The following AVL9 variants were observed in gnomAD, a reference collection of about 807,000 sequenced individuals.
AVL9 encodes late secretory pathway protein AVL9 homolog.
A neutral mutation model predicts 79.2 loss-of-function variants in AVL9; 49 were observed. The ratio of observed to expected loss-of-function variants is 0.62; its 90% CI spans 0.49 to 0.79. The LOEUF is 0.79. Ranked by LOEUF, AVL9 falls within the 30% of genes least tolerant of loss-of-function variation. The pLI, the probability that AVL9 is intolerant of heterozygous loss-of-function variation, is 0.00. For synonymous variants in AVL9, 299 were observed against 280.6 expected (o/e 1.07, Z -0.65); for missense variants, 682 against 776.8 (o/e 0.88, Z 1.45).
chr7:32,581,401 G>A (rs1372301083), intron 15 of AVL9: 1 of 152,362 alleles, frequency 6.6e-6, no homozygotes, highest in Non-Finnish European at 1.5e-5. Context: ...GAAATTAAAA[G>A]AACAGAAAAT....
In AVL9 at chr7:32,579,519, ATATAT is replaced by A. The variant is rs1193524962; in HGVS notation, c.1689-694_1689-690del. ...CATATTATATATTATATATTATATT[ATATAT>A]TATATATTATATTATATATTATATA... On this transcript the variant is annotated intron_variant, in intron 13 of 15. Transcript: ENST00000318709. 5.9e-3 allele frequency among the ~76,000 whole-genome samples: 21 copies of A among 3,588 alleles called. 3 individuals carry two copies. Among genetic ancestry groups the A allele is most frequent in the East Asian group, 0.028 (2 of 72 alleles). 2.4% of individuals were successfully genotyped at this position (3,588 alleles called of 152,430 possible).
chr7:32,528,873 G>A lies in AVL9; in HGVS notation c.94-14268G>A, dbSNP rs182889220. ...AAAATACAAAAAATTAGCCGGGCAT[G>A]GTGGCGGGCGCCTGTAGTCCCAGCT... is the stretch of plus-strand genomic sequence containing the variant. On this transcript the variant is annotated intron_variant, in intron 1 of 15. Coordinates refer to ENST00000318709, the MANE Select transcript of AVL9 (RefSeq NM_015060.3). Among the ~76,000 whole-genome samples the A allele has an allele frequency of 6.7e-3, 1,023 of 152,050 alleles. 12 individuals are homozygous for A. The highest frequency in any genetic ancestry group is 0.023 in the African/African-American group (962 of 41,454).
At chr7:32,523,150 CAAAAAAAAAA>C (rs59565422) in intron 1 of AVL9, among the ~76,000 whole-genome samples, 23 of 81,252 alleles carry the variant, frequency 2.8e-4, no homozygotes, top group African/African-American at 9.0e-4. Flanking sequence ...GGTAATTAAC[CAAAAAAAAAA>C]AAAAAAAAAA....
intron 5 of AVL9, among the ~76,000 whole-genome samples, 158 bp from the exon 6 acceptor site, chr7:32,552,071 A>T (rs909452402): frequency 6.6e-6 from 1 of 152,228 alleles, no homozygotes; most frequent in African/African-American, 2.4e-5. Flanking sequence ...AAGAAATGAG[A>T]ACTGGCAAGG....
intron 10 of AVL9, among the ~76,000 whole-genome samples, chr7:32,564,498 C>T (rs1007108744): frequency 3.9e-5 from 6 of 152,042 alleles, no homozygotes; most frequent in Non-Finnish European, 8.8e-5. Flanking sequence ...AGCCTGGGTG[C>T]CTGGGGAATA....
chr7:32,574,155 A>C (rs1790981427), intron 12 of AVL9, among the ~76,000 whole-genome samples: 1 of 152,158 alleles, frequency 6.6e-6, no homozygotes, highest in African/African-American at 2.4e-5. Context: ...ACATAGCATA[A>C]AATTTACCAT....
intron 1 of AVL9, among the ~76,000 whole-genome samples, chr7:32,499,055 T>C (rs10239363): frequency 1 from 78,764 of 78,772 alleles, 39,379 homozygotes; most frequent in Middle Eastern, 1. Context: ...CCCAGCTACT[T>C]GGGAGGCTGA....
chr7:32,584,016 G>A lies in AVL9; in HGVS notation c.*109G>A, dbSNP rs1026412070. On this transcript the variant is annotated 3_prime_UTR_variant, in exon 16 of 16. Transcript: ENST00000318709. ...GATCCACAGCAGGGGACCATATGTC[G>A]AACTGTTTACATGGATGTTGCTCTA... 11 of 785,768 alleles carry A rather than the reference G, an allele frequency of 1.4e-5. No homozygotes were observed. The highest frequency in any genetic ancestry group is 2.6e-5 in the East Asian group (1 of 38,094). The allele number at this position is 785,768 out of a possible 1,614,324, so 48.7% of individuals were successfully genotyped here. A position where few individuals can be genotyped will look rare whatever the true frequency, so the allele number is the denominator to read the frequency against.
At chr7:32,563,604 T>C (rs1790422265) in intron 10 of AVL9, among the ~76,000 whole-genome samples, 1 of 151,204 alleles carries the variant, frequency 6.6e-6, no homozygotes. Flanking sequence ...TCTACCACCT[T>C]TTCAGTTACT....
At position 32,542,994 on chromosome 7, in the gene AVL9, A is replaced by G. The variant is rs935474867; in HGVS notation, c.94-147A>G. On this transcript the variant is annotated intron_variant, in intron 1 of 15. Coordinates refer to ENST00000318709, the MANE Select transcript of AVL9 (RefSeq NM_015060.3). ...GCTTTTTTTCCCCCTCTTCCATGCC[A>G]TAGGTTTGCTGATGATATCAAATGA... The G allele has an allele frequency of 1.6e-5, 15 of 962,906 alleles. No homozygotes were observed. The East Asian group carries it at 2.3e-4, about 14-fold the overall frequency. The allele number at this position is 962,906 out of a possible 1,614,324, so 59.6% of individuals were successfully genotyped here.
rs140408640 is a variant in AVL9 at position 32,509,790 on chromosome 7, C to T, written c.93+13988C>T. On this transcript the variant is annotated intron_variant, in intron 1 of 15. Coordinates refer to ENST00000318709, the MANE Select transcript of AVL9 (RefSeq NM_015060.3). ...CACTTGAACTGAGAGGTGGAGGTTGCAGTGAACCAAGATCACACCACTGTA... is the reference window on the plus strand; with the variant it reads ...CACTTGAACTGAGAGGTGGAGGTTGTAGTGAACCAAGATCACACCACTGTA... 4.3e-3 allele frequency among the ~76,000 whole-genome samples: 647 copies of T among 152,152 alleles called. 3 individuals are homozygous for T. Among genetic ancestry groups the T allele is most frequent in the Non-Finnish European group, 7.2e-3 (491 of 68,010 alleles).
At chr7:32,565,122 C>T (rs780154719) in intron 10 of AVL9, among the ~76,000 whole-genome samples, 1 of 152,124 alleles carries the variant, frequency 6.6e-6, no homozygotes, top group Non-Finnish European at 1.5e-5. Flanking sequence ...GAGGACTGGC[C>T]AGAAAGGACT....
chr7:32,525,875 G>A (rs1040554136), intron 1 of AVL9, among the ~76,000 whole-genome samples: 4 of 152,056 alleles, frequency 2.6e-5, no homozygotes, highest in Non-Finnish European at 5.9e-5. Flanking sequence ...ACTGTTTTTG[G>A]GGGGGAAAAA....
At chr7:32,562,397 A>G (rs1231306633) in intron 10 of AVL9, among the ~76,000 whole-genome samples, 2 of 152,220 alleles carry the variant, frequency 1.3e-5, no homozygotes, top group African/African-American at 4.8e-5. Context: ...ACACTTATTA[A>G]CTGTACTTAT....
Position 32,544,685 on chromosome 7 carries a change from A to G in AVL9, c.215-9A>G, listed in dbSNP as rs753172927. The G allele has an allele frequency of 1.9e-6, 3 of 1,601,784 alleles. No homozygotes were observed. The highest frequency in any genetic ancestry group is 1.1e-5 in the South Asian group (1 of 90,600). On this transcript the variant is annotated splice_polypyrimidine_tract_variant and intron_variant, in intron 2 of 15. Coordinates refer to ENST00000318709, the MANE Select transcript of AVL9 (RefSeq NM_015060.3). ...CCTCACTATTTACATTTTTCTATGTATCTCTTAGATACTGTGTTTTTTCAC... is the reference window on the plus strand; with the variant it reads ...CCTCACTATTTACATTTTTCTATGTGTCTCTTAGATACTGTGTTTTTTCAC...
At chr7:32,518,440 A>AT (rs1788001844) in intron 1 of AVL9, among the ~76,000 whole-genome samples, 1 of 152,188 alleles carries the variant, frequency 6.6e-6, no homozygotes. Context: ...ATGTTTGGAT[A>AT]TTTTCCAATT....
chr7:32,495,577 C>A lies in AVL9; in HGVS notation c.-133C>A. On this transcript the variant is annotated 5_prime_UTR_variant, in exon 1 of 16. Coordinates refer to ENST00000318709, the MANE Select transcript of AVL9 (RefSeq NM_015060.3). The stretch of plus-strand genomic sequence containing the variant: ...GCGGCGGGAGCTGCTTTGCCTCCAC[C>A]GATCTCCCTGTGCGGCCCTCATGTG... 6.1e-6 allele frequency: 3 copies of A among 489,602 alleles called. No individual in the cohort carries two copies. Among genetic ancestry groups the A allele is most frequent in the Non-Finnish European group, 6.7e-6 (2 of 298,238 alleles). The allele number at this position is 489,602 out of a possible 1,614,324, so 30.3% of individuals were successfully genotyped here.
chr7:32,503,373 T>TACACACACACAC (rs1185553909), intron 1 of AVL9, among the ~76,000 whole-genome samples: 8 of 105,804 alleles, frequency 7.6e-5, no homozygotes, highest in African/African-American at 2.5e-4. Context: ...TATATATATA[T>TACACACACACAC]ACACACACAC....
chr7:32,502,243 T>TAATTA, intron 1 of AVL9, among the ~76,000 whole-genome samples: 1 of 151,778 alleles, frequency 6.6e-6, no homozygotes, highest in South Asian at 2.1e-4. Flanking sequence ...TGCATGCCTG[T>TAATTA]AGTCCCAGCT....
Sources: allele counts gnomAD v4.1 joint callset (sites outside exome capture counted in the v4.1 genomes callset), GRCh38; gene constraint gnomAD v4.1.1; transcripts MANE v1.5; gene names NCBI Gene and HGNC (gene_info 2026-07-23, HGNC 2026-07-21).